Variants in SLC25A21 observed in about 807,000 individuals in gnomAD.
The protein encoded by SLC25A21 is solute carrier family 25 member 21, also known as mitochondrial 2-oxodicarboxylate carrier.
SLC25A21 carries 47 observed loss-of-function variants against 43.8 expected under a neutral mutation model. That is an observed-to-expected ratio of 1.07 (90% CI 0.85 to 1.37). The LOEUF is 1.37. SLC25A21 is among the 40% of genes most tolerant of loss of function. The pLI is 0.00. For synonymous variants in SLC25A21, 131 were observed against 121.3 expected (o/e 1.08, Z -0.52); for missense variants, 352 against 350.2 (o/e 1.00, Z -0.04).
intron 2 of SLC25A21, among the ~76,000 whole-genome samples, chr14:36,832,849 AC>A (rs1889084203): frequency 6.6e-6 from 1 of 152,230 alleles, no homozygotes; most frequent in African/African-American, 2.4e-5. Context: ...ATCTCAGAAA[AC>A]AAAGTGGATT....
chr14:36,878,185 G>T (rs138392786), intron 1 of SLC25A21, among the ~76,000 whole-genome samples: 5 of 152,088 alleles, frequency 3.3e-5, no homozygotes, highest in Admixed American at 2.6e-4. Flanking sequence ...GGTGTCCCAT[G>T]CACCTCTAGA....
chr14:36,708,611 A>C (rs1002968823), intron 7 of SLC25A21, among the ~76,000 whole-genome samples: 1 of 152,110 alleles, frequency 6.6e-6, no homozygotes, highest in Non-Finnish European at 1.5e-5. Flanking sequence ...CTAATTTTTA[A>C]AATTTTGTAG....
chr14:36,937,805 G>GA (rs1356434948), intron 1 of SLC25A21, among the ~76,000 whole-genome samples: 1 of 152,126 alleles, frequency 6.6e-6, no homozygotes, highest in African/African-American at 2.4e-5. Context: ...AGAAAGAATA[G>GA]AAAATGCTCA....
chr14:36,684,795 A>G lies in SLC25A21; in HGVS notation c.734T>C (p.Ile245Thr). 4 of 1,613,618 alleles carry G rather than the reference A, an allele frequency of 2.5e-6. No individual in the cohort carries two copies. The highest frequency in any genetic ancestry group is 3.4e-6 in the Non-Finnish European group (4 of 1,179,748). The change falls in exon 8 of 10, where the codon ATC (isoleucine) becomes ACC (threonine). Residue 245 changes from isoleucine to threonine, a missense_variant. By Grantham distance (89) the Ile-to-Thr change is moderately conservative. Coordinates refer to ENST00000331299, the MANE Select transcript of SLC25A21 (RefSeq NM_030631.4). ...IQGPQPVPGE[I>T]KYRTCFKTMA... ...TGTTTTAAAACAGGTTCTGTACTTG[A>G]TCTCTCCAGGAACTGGTTGAGGCCC...
intron 1 of SLC25A21, among the ~76,000 whole-genome samples, chr14:36,950,542 T>C (rs1892784102): frequency 6.6e-6 from 1 of 152,182 alleles, no homozygotes; most frequent in African/African-American, 2.4e-5. Context: ...ATTTTTGGCC[T>C]CTAGAACTAA....
At chr14:37,120,330 A>G (rs1963184964) in intron 1 of SLC25A21, among the ~76,000 whole-genome samples, 1 of 152,298 alleles carries the variant, frequency 6.6e-6, no homozygotes, top group African/African-American at 2.4e-5. Flanking sequence ...TATATTGTAC[A>G]TGTGTGTAAT....
intron 1 of SLC25A21, among the ~76,000 whole-genome samples, chr14:36,903,705 G>C (rs1891459603): frequency 6.8e-6 from 1 of 146,998 alleles, no homozygotes; most frequent in Non-Finnish European, 1.5e-5. Flanking sequence ...GTTCTAGATT[G>C]CTTGATAAAC....
intron 1 of SLC25A21, among the ~76,000 whole-genome samples, chr14:37,037,500 T>A (rs1961352902): frequency 6.6e-6 from 1 of 152,304 alleles, no homozygotes; most frequent in Admixed American, 6.5e-5. Context: ...TTACTTGAAA[T>A]TTATCAATTG....
chr14:36,959,813 C>A (rs1046421104), intron 1 of SLC25A21, among the ~76,000 whole-genome samples: 3 of 152,154 alleles, frequency 2.0e-5, no homozygotes, highest in Admixed American at 6.5e-5. Flanking sequence ...AAACATCTAT[C>A]TTCTCCTGGA....
intron 1 of SLC25A21, among the ~76,000 whole-genome samples, chr14:37,011,398 G>C (rs1311417467): frequency 6.6e-6 from 1 of 151,982 alleles, no homozygotes; most frequent in East Asian, 1.9e-4. Flanking sequence ...CTCTAATTGA[G>C]ATAATAAAAG....
At chr14:37,109,883 T>G (rs981878007) in intron 1 of SLC25A21, among the ~76,000 whole-genome samples, 4 of 152,190 alleles carry the variant, frequency 2.6e-5, no homozygotes, top group Non-Finnish European at 5.9e-5. Flanking sequence ...AAATATTTAA[T>G]GAGTAATATT....
chr14:36,709,151 GCATGTGC>G, intron 7 of SLC25A21, among the ~76,000 whole-genome samples: 1 of 152,266 alleles, frequency 6.6e-6, no homozygotes, highest in Middle Eastern at 3.4e-3. Context: ...GGGATTACAG[GCATGTGC>G]CATGATGCCC....
rs61989487 is a variant in SLC25A21 at position 37,034,819 on chromosome 14, T to G, written c.70+137462A>C. On this transcript the variant is annotated intron_variant, in intron 1 of 9. Coordinates refer to ENST00000331299, the MANE Select transcript of SLC25A21 (RefSeq NM_030631.4). Reference sequence around the variant, plus strand: ...AGAAGCAAAGGGGAGCTGTTGTTGATGGACACAGGAGGGGTGAGTTGAGCT... The same window carrying G: ...AGAAGCAAAGGGGAGCTGTTGTTGAGGGACACAGGAGGGGTGAGTTGAGCT... Among the ~76,000 whole-genome samples, 1,319 of 152,288 alleles carry G rather than the reference T, an allele frequency of 8.7e-3. 13 individuals are homozygous for G. The highest frequency in any genetic ancestry group is 0.014 in the Non-Finnish European group (935 of 68,022).
intron 3 of SLC25A21, among the ~76,000 whole-genome samples, chr14:36,739,051 C>T (rs1950356): frequency 0.34 from 51,739 of 151,920 alleles, 10,176 homozygotes; most frequent in African/African-American, 0.54. Flanking sequence ...CCTTGACCAC[C>T]AGGCTATACT....
At chr14:37,123,447 T>C (rs916511427) in intron 1 of SLC25A21, among the ~76,000 whole-genome samples, 3 of 152,238 alleles carry the variant, frequency 2.0e-5, no homozygotes, top group Admixed American at 6.5e-5. Flanking sequence ...GTGTCACCCA[T>C]GCTGTTTGCC....
At chr14:37,088,009 G>C (rs1053436847) in intron 1 of SLC25A21, among the ~76,000 whole-genome samples, 1 of 152,168 alleles carries the variant, frequency 6.6e-6, no homozygotes, top group Non-Finnish European at 1.5e-5. Flanking sequence ...TGGGAAGGTG[G>C]TTTCAAAGGA....
At chr14:36,978,044 T>C (rs1317281512) in intron 1 of SLC25A21, among the ~76,000 whole-genome samples, 2 of 152,018 alleles carry the variant, frequency 1.3e-5, no homozygotes, top group Non-Finnish European at 2.9e-5. Flanking sequence ...TCAGGCTGGA[T>C]ACCACTTGGA....
chr14:37,126,246 C>T (rs1282741355), intron 1 of SLC25A21, among the ~76,000 whole-genome samples: 5 of 152,020 alleles, frequency 3.3e-5, no homozygotes, highest in Non-Finnish European at 7.4e-5. Flanking sequence ...TGGCAATTCA[C>T]TGAGATTAGA....
At chr14:37,121,252 C>T (rs960210095) in intron 1 of SLC25A21, among the ~76,000 whole-genome samples, 1 of 152,074 alleles carries the variant, frequency 6.6e-6, no homozygotes, top group African/African-American at 2.4e-5. Context: ...TGGTTACATC[C>T]AGTTATTTGG....
Sources: allele counts gnomAD v4.1 joint callset (sites outside exome capture counted in the v4.1 genomes callset), GRCh38; gene constraint gnomAD v4.1.1; transcripts MANE v1.5; gene names NCBI Gene and HGNC (gene_info 2026-07-23, HGNC 2026-07-21).